The following RYR2 variants were observed in gnomAD, a reference collection of about 807,000 sequenced individuals.
RYR2 encodes the protein cardiac muscle ryanodine receptor-calcium release channel.
In RYR2, 227 loss-of-function variants were observed where a neutral mutation model predicts 601.1. The ratio of observed to expected loss-of-function variants is 0.38; its 90% CI spans 0.34 to 0.42. RYR2 has a LOEUF of 0.42. Among genes scored for constraint, RYR2 ranks in the 10% least tolerant of loss-of-function variants. The pLI is 1.00. For missense variants in RYR2, 4,646 were observed against 6,156.5 expected, an observed-to-expected ratio of 0.75 and a Z score of 8.21; for synonymous variants, 2,223 against 2,175.1, an observed-to-expected ratio of 1.02 and a Z score of -0.61.
intron 10 of RYR2, among the ~76,000 whole-genome samples, chr1:237,399,250 G>A (rs1267471454): frequency 3.3e-5 from 5 of 151,994 alleles, no homozygotes; most frequent in Non-Finnish European, 7.4e-5. Context: ...GAATCTCCAG[G>A]CAATTATGCT....
rs1259633474 is a variant in RYR2 at position 237,054,289 on chromosome 1, CCCTTCCT to C, written c.48+11730_48+11736del. Among the ~76,000 whole-genome samples, 549 of 139,496 alleles carry C rather than the reference CCCTTCCT, an allele frequency of 3.9e-3. 8 individuals are homozygous for C. The highest frequency in any genetic ancestry group is 0.014 in the African/African-American group (532 of 38,902). The allele number at this position is 139,496 out of a possible 152,430, so 91.5% of individuals were successfully genotyped here. A position where few individuals can be genotyped will look rare whatever the true frequency, so the allele number is the denominator to read the frequency against. On this transcript the variant is annotated intron_variant, in intron 1 of 104. Coordinates refer to ENST00000366574, the MANE Select transcript of RYR2 (RefSeq NM_001035.3). ...CTTCCTTCCCTTTTCCTCCCTCCCT[CCCTTCCT>C]CCTTCCTCCCTCTTCTCCCCTCCCC...
At chr1:237,383,973 A>G (rs1558726209) in intron 8 of RYR2, among the ~76,000 whole-genome samples, 1 of 152,138 alleles carries the variant, frequency 6.6e-6, no homozygotes, top group East Asian at 1.9e-4. Flanking sequence ...TGCTTTAAGG[A>G]TAATTCATCT....
intron 2 of RYR2, among the ~76,000 whole-genome samples, chr1:237,275,491 A>ATT (rs60944575): frequency 2.7e-5 from 4 of 150,222 alleles, no homozygotes; most frequent in African/African-American, 9.7e-5. Context: ...ACAAAGAAGG[A>ATT]TTTTTTTTTT....
Position 237,527,877 on chromosome 1 carries a change from A to G in RYR2, c.2823-2550A>G, listed in dbSNP as rs557546721. ...GAAATAAACAATGTATAAGTTTTAG[A>G]TTGCATGCCATTTTGAGCAGTGTGA... On this transcript the variant is annotated intron_variant, in intron 24 of 104. Transcript: ENST00000366574. Among the ~76,000 whole-genome samples the G allele has an allele frequency of 3.2e-3, 493 of 152,310 alleles. 1 individual carries two copies. The highest frequency in any genetic ancestry group is 0.016 in the South Asian group (77 of 4,824).
intron 17 of RYR2, 71 bp downstream of exon 17, chr1:237,469,258 CAAAAA>C (rs66912945): frequency 2.3e-3 from 253 of 111,998 alleles, no homozygotes; most frequent in Middle Eastern, 7.9e-3. Flanking sequence ...TCCTTTAAGA[CAAAAA>C]AAAAAAAAAA....
chr1:237,315,409 A>G (rs7514372), intron 2 of RYR2, among the ~76,000 whole-genome samples: 13,634 of 152,078 alleles, frequency 0.09, 1,201 homozygotes, highest in African/African-American at 0.23. Context: ...TTGAAAAATC[A>G]TATCTACATT....
At chr1:237,107,161 A>G (rs1572654799) in intron 1 of RYR2, among the ~76,000 whole-genome samples, 1 of 152,198 alleles carries the variant, frequency 6.6e-6, no homozygotes, top group Non-Finnish European at 1.5e-5. Flanking sequence ...ACATTAAACA[A>G]TGACATCAAA....
Position 237,594,794 on chromosome 1 carries a change from A to G in RYR2, c.4437-704A>G, listed in dbSNP as rs563012801. On this transcript the variant is annotated intron_variant, in intron 33 of 104. Coordinates refer to ENST00000366574, the MANE Select transcript of RYR2 (RefSeq NM_001035.3). ...ACAGTGGCAAAGAAAGAGAATGCTG[A>G]TAAGGCTCAAATTACTTAACTTTGT... 4.0e-5 allele frequency among the ~76,000 whole-genome samples: 6 copies of G among 150,300 alleles called. No individual in the cohort carries two copies. The South Asian group carries it at 1.3e-3, about 32-fold the overall frequency.
At position 237,648,451 on chromosome 1, in the gene RYR2, T is replaced by A; in HGVS notation, c.7350T>A (p.Asn2450Lys). The change falls in exon 49 of 105, where the codon AAT becomes AAA. Residue 2450 changes from asparagine to lysine, a missense_variant. This residue lies in a region of RYR2 where 1,497 missense variants were observed against 1,842.6 expected (regional missense o/e 0.81). Transcript: ENST00000366574. Reference sequence around the variant, plus strand: ...TTCACTTCTCTCTTTTAGATGGGAATGTGGTGGAACCTGACATGTCTGCGG... The same window carrying A: ...TTCACTTCTCTCTTTTAGATGGGAAAGTGGTGGAACCTGACATGTCTGCGG... ...FQMPTIAKDG[N>K]VVEPDMSAGF... 6.2e-7 allele frequency: 1 copy of A among 1,604,666 alleles called. No homozygotes were observed. The highest frequency in any genetic ancestry group is 8.5e-7 in the Non-Finnish European group (1 of 1,174,926).
At chr1:237,414,069 T>G (rs539746700) in intron 10 of RYR2, among the ~76,000 whole-genome samples, 1 of 152,278 alleles carries the variant, frequency 6.6e-6, no homozygotes, top group African/African-American at 2.4e-5. Flanking sequence ...ATACGATGAG[T>G]AAAAGTCTTT....
rs566259685 is a variant in RYR2, at chr1:237,252,827, G to A, written c.49-17670G>A. Among the ~76,000 whole-genome samples the A allele has an allele frequency of 1.2e-3, 179 of 152,212 alleles. 1 individual carries two copies. The Middle Eastern group carries it at 0.014, about 12-fold the overall frequency. ...AACCCTGGGTGTGTCTATTGCAAAA[G>A]CAAATCTCTTTCCACTTAATCCATA... is the stretch of plus-strand genomic sequence containing the variant. On this transcript the variant is annotated intron_variant, in intron 1 of 104. Transcript: ENST00000366574.
chr1:237,818,390 G>A (rs553608454), intron 100 of RYR2, among the ~76,000 whole-genome samples: 1 of 152,218 alleles, frequency 6.6e-6, no homozygotes, highest in Admixed American at 6.5e-5. Flanking sequence ...CAAGAACACT[G>A]CCCTAAAATG....
intron 80 of RYR2, chr1:237,743,714 T>C (rs1444299346): frequency 2.2e-6 from 1 of 464,868 alleles, no homozygotes; most frequent in African/African-American, 2.0e-5. Flanking sequence ...CTTGGATTCT[T>C]TTGTGAAAAG....
intron 1 of RYR2, among the ~76,000 whole-genome samples, chr1:237,146,347 G>A (rs1351672658): frequency 6.6e-6 from 1 of 152,210 alleles, no homozygotes; most frequent in Non-Finnish European, 1.5e-5. Flanking sequence ...CTGCTGGGAA[G>A]GGGCACTGCC....
At chr1:237,619,027 G>T (rs986203060) in intron 38 of RYR2, among the ~76,000 whole-genome samples, 1 of 152,102 alleles carries the variant, frequency 6.6e-6, no homozygotes, top group African/African-American at 2.4e-5. Flanking sequence ...CTCCCACCTG[G>T]CAGCAATAAG....
intron 12 of RYR2, among the ~76,000 whole-genome samples, chr1:237,432,007 T>C (rs1706855231): frequency 6.6e-6 from 1 of 152,182 alleles, no homozygotes; most frequent in Non-Finnish European, 1.5e-5. Flanking sequence ...TCTTTAACTG[T>C]AAAGCTCCTA....
intron 93 of RYR2, chr1:237,791,823 C>T (rs1658406290): frequency 1.1e-5 from 6 of 568,382 alleles, no homozygotes; most frequent in Non-Finnish European, 6.2e-6. Flanking sequence ...TATTATATTA[C>T]ATTCTTTTGT....
rs1467094579 is a variant in RYR2 at position 237,631,638 on chromosome 1, TTTTTTTTG to T, written c.6555+98_6555+105del. ...ATTTTTTTTTTTTTTTTTTTTTTTT[TTTTTTTTG>T]GAGACAGAGGCTCACTCTGTCGCCC... On this transcript the variant is annotated intron_variant, in intron 42 of 104. Coordinates refer to ENST00000366574, the MANE Select transcript of RYR2 (RefSeq NM_001035.3). 4.4e-5 allele frequency: 23 copies of T among 521,908 alleles called. No homozygotes were observed. In the African/African-American group the frequency reaches 6.3e-4, roughly 14 times the overall value. 32.3% of individuals were successfully genotyped at this position (521,908 alleles called of 1,614,324 possible). A position where few individuals can be genotyped will look rare whatever the true frequency, so the allele number is the denominator to read the frequency against.
At chr1:237,051,803 T>G (rs1233241358) in intron 1 of RYR2, among the ~76,000 whole-genome samples, 1 of 152,146 alleles carries the variant, frequency 6.6e-6, no homozygotes. Context: ...GAGCGACAGT[T>G]TCAGACCTGG....
Sources: allele counts gnomAD v4.1 joint callset (sites outside exome capture counted in the v4.1 genomes callset), GRCh38; gene constraint gnomAD v4.1.1; regional missense constraint gnomAD v4.1.1; transcripts MANE v1.5; gene names NCBI Gene and HGNC (gene_info 2026-07-23, HGNC 2026-07-21).